The following KPNA7 variants were observed in gnomAD, a reference collection of about 807,000 sequenced individuals.
KPNA7 encodes the protein importin subunit alpha-8.
A neutral mutation model predicts 53.7 loss-of-function variants in KPNA7; 54 were observed. The ratio of observed to expected loss-of-function variants is 1.01; its 90% confidence interval spans 0.81 to 1.26. The LOEUF (loss-of-function observed/expected upper bound fraction) is 1.26, where lower values mean the gene tolerates loss of function less well. KPNA7 is among the 50% of genes most tolerant of loss of function. KPNA7 has a pLI of 0.00. For synonymous variants in KPNA7, 276 were observed against 259.3 expected (o/e 1.06, Z -0.62); for missense variants, 640 against 644.5 (o/e 0.99, Z 0.07).
At chr7:99,180,300 G>C (rs1486005402) in intron 9 of KPNA7, among the ~76,000 whole-genome samples, 2 of 152,212 alleles carry the variant, frequency 1.3e-5, no homozygotes, top group African/African-American at 4.8e-5. Flanking sequence ...CCAGGAGTTA[G>C]AGAACAGCCT....
chr7:99,156,323 TCCACAAAGAGA>T, the KPNA7 span, among the ~76,000 whole-genome samples: 8 of 152,168 alleles, frequency 5.3e-5, no homozygotes, highest in Non-Finnish European at 1.2e-4. Flanking sequence ...TCATTCAGAG[TCCACAAAGAGA>T]AATCTGATGC....
the KPNA7 span, among the ~76,000 whole-genome samples, chr7:99,159,523 G>T: frequency 6.6e-6 from 1 of 152,032 alleles, no homozygotes; most frequent in East Asian, 1.9e-4. Context: ...AACTCCCCAT[G>T]GACCTATCAC....
the KPNA7 span, among the ~76,000 whole-genome samples, chr7:99,159,907 AATTT>A: frequency 6.6e-6 from 1 of 151,892 alleles, no homozygotes; most frequent in South Asian, 2.1e-4. Context: ...TTTTAGTTGG[AATTT>A]ATTAAGAGAA....
chr7:99,155,346 T>C, the KPNA7 span, among the ~76,000 whole-genome samples: 2 of 152,218 alleles, frequency 1.3e-5, no homozygotes, highest in African/African-American at 2.4e-5. Flanking sequence ...ACACTGACAA[T>C]ATCAAGGATG....
intron 8 of KPNA7, among the ~76,000 whole-genome samples, chr7:99,184,233 C>T (rs1214755312): frequency 6.7e-6 from 1 of 150,008 alleles, no homozygotes; most frequent in Non-Finnish European, 1.5e-5. Context: ...TAGCTCACAG[C>T]AGCCTTGACC....
At position 99,195,118 on chromosome 7, in the gene KPNA7, T is replaced by C. The variant is rs1790157428; in HGVS notation, c.505A>G (p.Asn169Asp). 3.9e-6 allele frequency: 6 copies of C among 1,551,616 alleles called. No homozygotes were observed. The highest frequency in any genetic ancestry group is 5.2e-6 in the Non-Finnish European group (6 of 1,146,986). The stretch of plus-strand genomic sequence containing the variant: ...ACTGCCTGTTCACACACAGCCACGT[T>C]GGAGGAAGACAGGAGCTCAATCAAG... Reference protein sequence around the residue: ...QPLIELLSSSNVAVCEQAVWA... With the variant: ...QPLIELLSSSDVAVCEQAVWA... The change falls in exon 5 of 11, where the codon AAC becomes GAC. Residue 169 changes from asparagine (N) to aspartate (D), a missense_variant. Physicochemically the swap from Asn to Asp is conservative, Grantham distance 23. Coordinates refer to ENST00000327442, the MANE Select transcript of KPNA7 (RefSeq NM_001145715.3).
rs1240371179 is a variant in KPNA7, at chr7:99,203,137, G to C, written c.170C>G (p.Thr57Arg). Residue 57 changes from threonine (T) to arginine (R), a missense_variant, in exon 3 of 11, where the codon ACA becomes AGA. Coordinates refer to ENST00000327442, the MANE Select transcript of KPNA7 (RefSeq NM_001145715.3). ...CCCTTTGGCTGTTTTTTCAGAAGGT[G>C]TGTCAGGGCAGAAGCTCGTGATATT... ...RRNITSFCPD[T>R]PSEKTAKGVA... is the part of the protein sequence containing the mutation. 6.4e-7 allele frequency: 1 copy of C among 1,551,684 alleles called. No individual in the cohort carries two copies. Among genetic ancestry groups the C allele is most frequent in the Non-Finnish European group, 8.7e-7 (1 of 1,146,976 alleles).
the KPNA7 span, among the ~76,000 whole-genome samples, chr7:99,150,340 C>T: frequency 0.24 from 35,664 of 151,730 alleles, 4,383 homozygotes; most frequent in South Asian, 0.33. Flanking sequence ...AAGTGATCTC[C>T]CCACCTGGGC....
chr7:99,154,183 C>T, the KPNA7 span, among the ~76,000 whole-genome samples: 7 of 150,404 alleles, frequency 4.7e-5, no homozygotes, highest in African/African-American at 1.7e-4. Flanking sequence ...GGCTGGAGTG[C>T]AGTGGCATGA....
At chr7:99,184,466 TTTG>T (rs1409251113) in intron 8 of KPNA7, among the ~76,000 whole-genome samples, 2 of 152,180 alleles carry the variant, frequency 1.3e-5, no homozygotes, top group Non-Finnish European at 2.9e-5. Context: ...CTCAGCCTGC[TTTG>T]TTGTTTTTCT....
chr7:99,169,226 T>C (rs1183052007), downstream of KPNA7, among the ~76,000 whole-genome samples: 1 of 152,172 alleles, frequency 6.6e-6, no homozygotes, highest in Non-Finnish European at 1.5e-5. Flanking sequence ...GGCTGAAAGC[T>C]TGGCAGGTCC....
At chr7:99,172,824 A>G (rs1798793537), downstream of KPNA7, among the ~76,000 whole-genome samples, 1 of 152,120 alleles carries the variant, frequency 6.6e-6, no homozygotes, top group Non-Finnish European at 1.5e-5. Flanking sequence ...GCACTTTAGG[A>G]GGCTGAGACA....
At chr7:99,176,084 G>T (rs896354747) in intron 10 of KPNA7, among the ~76,000 whole-genome samples, 1 of 151,692 alleles carries the variant, frequency 6.6e-6, no homozygotes, top group Non-Finnish European at 1.5e-5. Flanking sequence ...GGATCACGAG[G>T]TCAGGAGATC....
At chr7:99,165,303 A>AAAC in the KPNA7 span, among the ~76,000 whole-genome samples, 1 of 66,912 alleles carries the variant, frequency 1.5e-5, no homozygotes, top group African/African-American at 5.1e-5. Flanking sequence ...TTGCCTTTTT[A>AAAC]AAAAAAAAAA....
At chr7:99,195,416 C>T (rs914001820) in intron 4 of KPNA7, 78 bp from the exon 5 acceptor site, 22 of 1,336,580 alleles carry the variant, frequency 1.6e-5, no homozygotes, top group Admixed American at 2.1e-5. Context: ...AGGCCAGGTG[C>T]GGTGGCTCAC....
the KPNA7 span, among the ~76,000 whole-genome samples, chr7:99,147,510 T>TC: frequency 6.6e-6 from 1 of 152,142 alleles, no homozygotes; most frequent in African/African-American, 2.4e-5. Flanking sequence ...TTGATAAAAG[T>TC]CCGGGCACAG....
chr7:99,193,668 T>TC (rs1426877962), intron 5 of KPNA7, among the ~76,000 whole-genome samples: 3 of 148,338 alleles, frequency 2.0e-5, no homozygotes, highest in African/African-American at 7.5e-5. Context: ...CTGCAGCCTT[T>TC]TATTTTTTTT....
chr7:99,199,606 G>A (rs568930280), intron 3 of KPNA7, among the ~76,000 whole-genome samples: 12 of 152,178 alleles, frequency 7.9e-5, no homozygotes, highest in African/African-American at 2.6e-4. Flanking sequence ...ACGGCTCAAA[G>A]GCCTAAAAGT....
chr7:99,207,704 C>A (rs1398049126), intron 1 of KPNA7, among the ~76,000 whole-genome samples: 2 of 122,590 alleles, frequency 1.6e-5, no homozygotes, highest in South Asian at 2.8e-4. Context: ...GGGGGGATAT[C>A]AGTTCACTGC....
Sources: allele counts gnomAD v4.1 joint callset (sites outside exome capture counted in the v4.1 genomes callset), GRCh38; gene constraint gnomAD v4.1.1; transcripts MANE v1.5; gene names NCBI Gene and HGNC (gene_info 2026-07-23, HGNC 2026-07-21).